ERBB4: variants seen among roughly 807,000 people sequenced by gnomAD.
The protein encoded by ERBB4 is erb-b2 receptor tyrosine kinase 4.
ERBB4 carries 42 observed loss-of-function variants against 158.0 expected under a neutral mutation model. The observed-to-expected ratio is 0.27, with a 90% CI of 0.21 to 0.34. The LOEUF (loss-of-function observed/expected upper bound fraction) is 0.34. Among genes scored for constraint, ERBB4 ranks in the 10% least tolerant of loss-of-function variants. The pLI is 1.00. For missense variants in ERBB4, 1,333 were observed against 1,624.1 expected, an observed-to-expected ratio of 0.82 and a Z score of 3.08; for synonymous variants, 583 against 558.7, an observed-to-expected ratio of 1.04 and a Z score of -0.61.
intron 1 of ERBB4, among the ~76,000 whole-genome samples, chr2:212,358,678 T>A (rs1460987268): frequency 6.6e-6 from 1 of 151,786 alleles, no homozygotes; most frequent in African/African-American, 2.4e-5. Context: ...TGAAAAATGA[T>A]AGAATAACGA....
At chr2:212,362,865 AT>A (rs1306998163) in intron 1 of ERBB4, among the ~76,000 whole-genome samples, 2 of 151,406 alleles carry the variant, frequency 1.3e-5, no homozygotes, top group African/African-American at 4.8e-5. Context: ...TTATAAAACA[AT>A]TGAAATTTAA....
chr2:211,789,708 C>A (rs1243889567), intron 3 of ERBB4, among the ~76,000 whole-genome samples: 1 of 152,026 alleles, frequency 6.6e-6, no homozygotes, highest in Non-Finnish European at 1.5e-5. Context: ...GCAACCGACA[C>A]CATCTCCCAC....
chr2:212,102,100 A>ATATATAT (rs1342499370), intron 2 of ERBB4, among the ~76,000 whole-genome samples: 2 of 130,370 alleles, frequency 1.5e-5, no homozygotes, highest in Non-Finnish European at 3.1e-5. Context: ...TTATATATAT[A>ATATATAT]TATATATATA....
At chr2:212,430,011 T>G (rs1419733863) in intron 1 of ERBB4, among the ~76,000 whole-genome samples, 5 of 152,148 alleles carry the variant, frequency 3.3e-5, no homozygotes, top group African/African-American at 1.2e-4. Context: ...TACTTTAAAA[T>G]GAAATGAAGA....
intron 3 of ERBB4, among the ~76,000 whole-genome samples, chr2:211,800,321 T>A (rs2076471597): frequency 6.6e-6 from 1 of 152,208 alleles, no homozygotes. Flanking sequence ...AATCTCATTT[T>A]ACAGATGAAA....
intron 20 of ERBB4, among the ~76,000 whole-genome samples, chr2:211,500,723 G>T (rs942185387): frequency 1.3e-5 from 2 of 151,890 alleles, no homozygotes; most frequent in African/African-American, 4.8e-5. Flanking sequence ...TTTCCAAACT[G>T]GTTTTTTTTG....
rs1408213219 is a variant in ERBB4 at position 211,888,589 on chromosome 2, C to T, written c.421+58841G>A. Among the ~76,000 whole-genome samples the T allele has an allele frequency of 2.0e-5, 3 of 152,294 alleles. No individual in the cohort carries two copies. In the East Asian group the frequency reaches 5.8e-4, roughly 29 times the overall value. ...AACAGCTCCGGTCTACAGCTCCCAG[C>T]GTGAGCGACGCAGAAGACGGGTGAT... On this transcript the variant is annotated intron_variant, in intron 3 of 27. Coordinates refer to ENST00000342788, the MANE Select transcript of ERBB4 (RefSeq NM_005235.3).
intron 1 of ERBB4, among the ~76,000 whole-genome samples, chr2:212,282,170 G>A (rs1486487943): frequency 2.0e-5 from 3 of 151,808 alleles, no homozygotes; most frequent in African/African-American, 4.8e-5. Context: ...TACGTAGCCC[G>A]ATGCTGCCCA....
At chr2:212,181,453 T>C (rs2081860775) in intron 1 of ERBB4, among the ~76,000 whole-genome samples, 1 of 150,844 alleles carries the variant, frequency 6.6e-6, no homozygotes, top group Non-Finnish European at 1.5e-5. Context: ...TCTTTATCAC[T>C]TACTCTTGAA....
intron 14 of ERBB4, among the ~76,000 whole-genome samples, chr2:211,670,890 G>C (rs1559401195): frequency 1.3e-5 from 2 of 152,084 alleles, no homozygotes; most frequent in Non-Finnish European, 2.9e-5. Context: ...TTTCTCACCT[G>C]AAAACTAATA....
intron 20 of ERBB4, among the ~76,000 whole-genome samples, chr2:211,437,040 A>G (rs1404928164): frequency 2.6e-5 from 4 of 152,212 alleles, no homozygotes; most frequent in Non-Finnish European, 4.4e-5. Flanking sequence ...GCCACTTATT[A>G]CACACCATGG....
At chr2:212,305,096 A>G (rs2086762935) in intron 1 of ERBB4, among the ~76,000 whole-genome samples, 1 of 151,410 alleles carries the variant, frequency 6.6e-6, no homozygotes, top group Admixed American at 6.6e-5. Flanking sequence ...TAAATGCCAA[A>G]TATTTTATTA....
chr2:211,714,637 T>G (rs1240046744), intron 7 of ERBB4, among the ~76,000 whole-genome samples: 1 of 152,226 alleles, frequency 6.6e-6, no homozygotes, highest in East Asian at 1.9e-4. Context: ...CTATGCCACC[T>G]GTAGCACAGG....
At chr2:212,505,418 G>GCCAAAT (rs1472760231) in intron 1 of ERBB4, among the ~76,000 whole-genome samples, 1 of 124,200 alleles carries the variant, frequency 8.1e-6, no homozygotes, top group African/African-American at 2.5e-5. Flanking sequence ...CTTGAAGAGA[G>GCCAAAT]TGAGTATTAA....
chr2:211,950,103 C>A (rs1005158978), intron 2 of ERBB4, among the ~76,000 whole-genome samples: 2 of 152,084 alleles, frequency 1.3e-5, no homozygotes, highest in Admixed American at 1.3e-4. Flanking sequence ...CATTTAGATT[C>A]TGCACTCTCC....
chr2:211,763,418 G>A (rs955494970), intron 4 of ERBB4, among the ~76,000 whole-genome samples: 9 of 152,078 alleles, frequency 5.9e-5, no homozygotes, highest in African/African-American at 1.9e-4. Flanking sequence ...CTTAAGGGAA[G>A]GAACCATTTC....
Position 212,219,203 on chromosome 2 carries a change from T to C in ERBB4, c.83-94300A>G, listed in dbSNP as rs368088093. On this transcript the variant is annotated intron_variant, in intron 1 of 27. Coordinates refer to ENST00000342788, the MANE Select transcript of ERBB4 (RefSeq NM_005235.3). The stretch of plus-strand genomic sequence containing the variant: ...CAAAGAAGTTATGATTTTAAAAAAT[T>C]GGTAAATGGTAGAACTAAAACCATT... Among the ~76,000 whole-genome samples the C allele has an allele frequency of 5.4e-4, 82 of 151,500 alleles. 1 individual carries two copies. In the South Asian group the frequency reaches 0.016, roughly 30 times the overall value.
At chr2:212,226,622 A>C (rs529970843) in intron 1 of ERBB4, among the ~76,000 whole-genome samples, 1 of 152,330 alleles carries the variant, frequency 6.6e-6, no homozygotes, top group East Asian at 1.9e-4. Flanking sequence ...GACAGTGATA[A>C]CTTTATACTA....
At chr2:212,408,080 ATTTTT>A (rs994854126) in intron 1 of ERBB4, among the ~76,000 whole-genome samples, 102 of 152,028 alleles carry the variant, frequency 6.7e-4, no homozygotes, top group Admixed American at 4.6e-3. Context: ...ATTTTTATTT[ATTTTT>A]ATTTATTTAT....
Sources: gnomAD v4.1 joint callset for allele counts (sites outside exome capture counted in the v4.1 genomes callset) on GRCh38, gnomAD v4.1.1 for gene constraint, MANE v1.5 for transcripts, NCBI Gene and HGNC (gene_info 2026-07-23, HGNC 2026-07-21) for gene names.